RAPGEF1: variants seen among roughly 807,000 people sequenced by gnomAD.
RAPGEF1 encodes Rap guanine nucleotide exchange factor 1, also known as CRK SH3-binding GNRP.
RAPGEF1 carries 33 observed loss-of-function variants against 143.3 expected under a neutral mutation model. That is an observed-to-expected ratio of 0.23 (90% CI 0.17 to 0.31). RAPGEF1 has a LOEUF of 0.31. RAPGEF1 is among the 10% of genes least tolerant of loss of function. RAPGEF1 has a pLI of 1.00. For synonymous variants in RAPGEF1, 629 were observed against 676.5 expected, an observed-to-expected ratio of 0.93 and a Z score of 1.09; for missense variants, 1,199 against 1,645.4, an observed-to-expected ratio of 0.73 and a Z score of 4.69.
chr9:131,738,424 G>A (rs917410121), intron 1 of RAPGEF1, among the ~76,000 whole-genome samples: 3 of 152,210 alleles, frequency 2.0e-5, no homozygotes, highest in African/African-American at 7.2e-5. Context: ...ACAGGATGGC[G>A]ACTCATGGTC....
intron 1 of RAPGEF1, among the ~76,000 whole-genome samples, chr9:131,681,543 G>C (rs113157593): frequency 2.1e-4 from 32 of 152,286 alleles, no homozygotes; most frequent in African/African-American, 7.2e-4. Context: ...GTTTCCAGTC[G>C]GATGATTCCT....
intron 1 of RAPGEF1, among the ~76,000 whole-genome samples, chr9:131,703,605 A>G (rs140594777): frequency 6.6e-6 from 1 of 152,328 alleles, no homozygotes; most frequent in African/African-American, 2.4e-5. Flanking sequence ...AGGACAGCCA[A>G]CTAGAAAGTG....
At chr9:131,729,493 G>T (rs756564554) in intron 1 of RAPGEF1, among the ~76,000 whole-genome samples, 2 of 152,226 alleles carry the variant, frequency 1.3e-5, no homozygotes, top group Non-Finnish European at 2.9e-5. Context: ...GAGAAACCAG[G>T]GGCTTCTTCA....
chr9:131,628,642 T>C lies in RAPGEF1; in HGVS notation c.924A>G (p.Arg308=), dbSNP rs372686287. Residue 308 remains arginine, a synonymous_variant, in exon 8 of 27, where the codon AGA becomes AGG. Coordinates refer to ENST00000683357, the MANE Select transcript of RAPGEF1 (RefSeq NM_001377935.1). This position sits in a 1 kb window ranked among gnomAD's most constrained non-coding sequence, Gnocchi z 5.7. ...CTCGGGTAGGGGACGGCGCCGACTG[T>C]CTTTTCTTGGGTGGCAATGCTGGTG... ...SPPPALPPKK[R]QSAPSPTRVA... 6.2e-7 allele frequency: 1 copy of C among 1,608,510 alleles called. No homozygotes were observed. The highest frequency in any genetic ancestry group is 1.3e-5 in the African/African-American group (1 of 74,780).
In RAPGEF1 at chr9:131,582,718, AGGACAGGACC is replaced by A. The variant is rs756780541; in HGVS notation, c.3415-26_3415-17del. 1.9e-6 allele frequency: 3 copies of A among 1,558,118 alleles called. No individual in the cohort carries two copies. The Admixed American group carries it at 6.0e-5, about 31-fold the overall frequency. Reference sequence around the variant, plus strand: ...CGGCCAGGCCCTGGCAGGACAGGACAGGACAGGACCGGACAGGGGTGAGCGAGTGCTGGGG... The same window carrying A: ...CGGCCAGGCCCTGGCAGGACAGGACAGGACAGGGGTGAGCGAGTGCTGGGG... On this transcript the variant is annotated splice_polypyrimidine_tract_variant and intron_variant, in intron 24 of 26. Transcript: ENST00000683357.
In RAPGEF1 at chr9:131,628,088, A is replaced by G; in HGVS notation, c.1026T>C (p.Asp342=). The part of the protein sequence containing the change: ...LPVGINRQDF[D]VDCYAQRRLS... ...GTCGCCTCTGTGCGTAACAGTCAACATCAAAATCCTCAAGTGGAAAAAGAA... is the reference window on the plus strand; with the variant it reads ...GTCGCCTCTGTGCGTAACAGTCAACGTCAAAATCCTCAAGTGGAAAAAGAA... Residue 342 remains aspartate (D), a synonymous_variant, in exon 9 of 27, where the codon GAT becomes GAC. Transcript: ENST00000683357. This position sits in a 1 kb window ranked among gnomAD's most constrained non-coding sequence, Gnocchi z 5.7. 1 of 1,548,178 alleles carries G rather than the reference A, an allele frequency of 6.5e-7. No homozygotes were observed. Among genetic ancestry groups the G allele is most frequent in the Non-Finnish European group, 8.7e-7 (1 of 1,144,798 alleles).
chr9:131,660,809 C>CA (rs2133639726), intron 1 of RAPGEF1, among the ~76,000 whole-genome samples: 1 of 152,334 alleles, frequency 6.6e-6, no homozygotes, highest in Admixed American at 6.5e-5. Flanking sequence ...CTCGCCTATG[C>CA]AGGAAACCAG....
chr9:131,652,520 AAATT>A (rs1971325329), intron 1 of RAPGEF1, among the ~76,000 whole-genome samples: 1 of 152,156 alleles, frequency 6.6e-6, no homozygotes, highest in African/African-American at 2.4e-5. Flanking sequence ...TCTATTTAAA[AAATT>A]ATTATTTTTT....
At chr9:131,718,167 G>T (rs1023303264) in intron 1 of RAPGEF1, among the ~76,000 whole-genome samples, 3 of 152,214 alleles carry the variant, frequency 2.0e-5, no homozygotes, top group African/African-American at 7.2e-5. Context: ...TCTGGGGAAT[G>T]AATGTTCCAG....
At chr9:131,682,372 G>C (rs191318269) in intron 1 of RAPGEF1, among the ~76,000 whole-genome samples, 4 of 152,206 alleles carry the variant, frequency 2.6e-5, no homozygotes, top group South Asian at 2.1e-4. Flanking sequence ...TCCAGCTCAG[G>C]CCATTCCATC....
chr9:131,611,445 A>G (rs1958005151), intron 12 of RAPGEF1, among the ~76,000 whole-genome samples: 1 of 152,202 alleles, frequency 6.6e-6, no homozygotes, highest in Non-Finnish European at 1.5e-5. Flanking sequence ...GTTCCTTCTC[A>G]TGTGATGTAT....
intron 1 of RAPGEF1, among the ~76,000 whole-genome samples, chr9:131,687,577 C>A (rs968087365): frequency 6.6e-6 from 1 of 152,266 alleles, no homozygotes; most frequent in African/African-American, 2.4e-5. Context: ...GTTTAAAATG[C>A]CTCAAGAGTA....
intron 1 of RAPGEF1, among the ~76,000 whole-genome samples, chr9:131,686,195 G>T (rs942108249): frequency 3.3e-5 from 5 of 152,204 alleles, no homozygotes; most frequent in Admixed American, 2.0e-4. Flanking sequence ...ACAATCTGTT[G>T]CAAATATTCA....
intron 5 of RAPGEF1, among the ~76,000 whole-genome samples, chr9:131,630,957 T>TA (rs1238457892): frequency 4.0e-5 from 6 of 151,336 alleles, no homozygotes; most frequent in Non-Finnish European, 5.9e-5. Flanking sequence ...TTTTTTTTTT[T>TA]AAATTAGAAT....
intron 12 of RAPGEF1, among the ~76,000 whole-genome samples, chr9:131,613,256 GGGAGAA>G (rs1958331651): frequency 1.3e-5 from 2 of 152,190 alleles, no homozygotes; most frequent in Non-Finnish European, 2.9e-5. Context: ...AACACGGTGG[GGGAGAA>G]GACAGGGTTG....
chr9:131,718,236 A>G (rs1835997421), intron 1 of RAPGEF1, among the ~76,000 whole-genome samples: 1 of 152,196 alleles, frequency 6.6e-6, no homozygotes, highest in Non-Finnish European at 1.5e-5. Context: ...GAAGAGCACA[A>G]AAGCCAGTGT....
chr9:131,737,554 T>C, intron 1 of RAPGEF1: 1 of 1,599,500 alleles, frequency 6.3e-7, no homozygotes. Context: ...GGACAAACTA[T>C]GCTGAAATGA....
chr9:131,737,584 C>A, intron 1 of RAPGEF1: 5 of 1,524,102 alleles, frequency 3.3e-6, no homozygotes, highest in Non-Finnish European at 4.4e-6. Context: ...AGGTCTTTCT[C>A]CCAAATAGCA....
chr9:131,589,416 T>A (rs554573268), intron 19 of RAPGEF1, among the ~76,000 whole-genome samples: 10 of 152,182 alleles, frequency 6.6e-5, no homozygotes, highest in Admixed American at 1.3e-4. Flanking sequence ...CCACTTACCA[T>A]GGTCATCTCC....
Sources: gnomAD v4.1 joint callset for allele counts (sites outside exome capture counted in the v4.1 genomes callset) on GRCh38, gnomAD v4.1.1 for gene constraint, Gnocchi (gnomAD v3.1) non-coding constraint, MANE v1.5 for transcripts, NCBI Gene and HGNC (gene_info 2026-07-23, HGNC 2026-07-21) for gene names.